SH2D1B: variants seen among roughly 807,000 people sequenced by gnomAD.
SH2D1B encodes the protein SH2 domain containing 1B, also known as SH2 domain-containing protein 1B.
Under a neutral mutation model 16.3 loss-of-function variants are expected in SH2D1B, and 11 were observed. That is an observed-to-expected ratio of 0.67 (90% CI 0.42 to 1.11). SH2D1B has a LOEUF of 1.11. Ranked by LOEUF, SH2D1B falls within the 50% of genes most tolerant of loss-of-function variation. SH2D1B has a pLI of 0.00. For missense variants in SH2D1B, 123 were observed against 153.1 expected (o/e 0.80, Z 1.04); for synonymous variants, 55 against 56.1 (o/e 0.98, Z 0.09).
intron 1 of SH2D1B, among the ~76,000 whole-genome samples, chr1:162,408,372 A>G (rs888459133): frequency 6.7e-6 from 1 of 148,742 alleles, no homozygotes. Context: ...TTGCCTCTCC[A>G]CTTGGTTTAT....
chr1:162,404,890 G>C (rs1648616590), intron 1 of SH2D1B, among the ~76,000 whole-genome samples: 1 of 152,210 alleles, frequency 6.6e-6, no homozygotes, highest in Non-Finnish European at 1.5e-5. Flanking sequence ...CAGTTTGGCA[G>C]TTTCTTAAAA....
chr1:162,410,481 TTC>T (rs1226816999), intron 1 of SH2D1B, among the ~76,000 whole-genome samples: 4 of 152,128 alleles, frequency 2.6e-5, no homozygotes, highest in Non-Finnish European at 5.9e-5. Context: ...GGATTTTAAT[TTC>T]TGTTACAGGT....
At chr1:162,406,454 C>A (rs1326969259) in intron 1 of SH2D1B, among the ~76,000 whole-genome samples, 5 of 152,110 alleles carry the variant, frequency 3.3e-5, no homozygotes, top group Admixed American at 3.3e-4. Context: ...TGCAAGCCAT[C>A]ATGTATAATG....
intron 2 of SH2D1B, among the ~76,000 whole-genome samples, chr1:162,401,653 G>A (rs918342112): frequency 6.6e-6 from 1 of 152,038 alleles, no homozygotes; most frequent in African/African-American, 2.4e-5. Flanking sequence ...CCTGGATACA[G>A]TACTATTTGT....
intron 1 of SH2D1B, 108 bp from the exon 2 acceptor site, chr1:162,402,910 ACT>A (rs1491358564): frequency 7.7e-6 from 7 of 904,848 alleles, no homozygotes; most frequent in African/African-American, 3.4e-5. Context: ...TCCTAAAAAA[ACT>A]CTTTTTTTTT....
rs1002390978 is a variant in SH2D1B, at chr1:162,395,706, A to G, written c.*1574T>C. 1.4e-4 allele frequency: 21 copies of G among 152,236 alleles called. No individual in the cohort carries two copies. Among genetic ancestry groups the G allele is most frequent in the Admixed American group, 1.3e-4 (2 of 15,286 alleles). 9.4% of individuals were successfully genotyped at this position (152,236 alleles called of 1,614,324 possible). A position where few individuals can be genotyped will look rare whatever the true frequency, so the allele number is the denominator to read the frequency against. ...AGAGGGTTAACATTTCACCAACACC[A>G]TATCCTATTAGAAATGTAATAAAAC... On this transcript the variant is annotated 3_prime_UTR_variant, in exon 4 of 4. Transcript: ENST00000367929.
rs1416610855 is a variant in SH2D1B at position 162,397,246 on chromosome 1, T to C, written c.*34A>G. The stretch of plus-strand genomic sequence containing the variant: ...GGTCATCAGTGAGAACTGTTACTCA[T>C]CTCTTCAACTTGCTTTGTCCGGCAG... On this transcript the variant is annotated 3_prime_UTR_variant, in exon 4 of 4. Coordinates refer to ENST00000367929, the MANE Select transcript of SH2D1B (RefSeq NM_053282.5). The C allele has an allele frequency of 1.2e-6, 2 of 1,612,926 alleles. No homozygotes were observed. The highest frequency in any genetic ancestry group is 1.7e-6 in the Non-Finnish European group (2 of 1,179,104).
Position 162,397,236 on chromosome 1 carries a change from C to G in SH2D1B, c.*44G>C. ...TGCAGAAGTGGGTCATCAGTGAGAA[C>G]TGTTACTCATCTCTTCAACTTGCTT... On this transcript the variant is annotated 3_prime_UTR_variant, in exon 4 of 4. Transcript: ENST00000367929. 1.2e-6 allele frequency: 2 copies of G among 1,610,770 alleles called. No homozygotes were observed. The highest frequency in any genetic ancestry group is 1.7e-6 in the Non-Finnish European group (2 of 1,177,198).
In SH2D1B at chr1:162,403,500, AAAAAAAAAAAAATATATATAT is replaced by A. The variant is rs1268806263; in HGVS notation, c.135-719_135-699del. 3.2e-3 allele frequency among the ~76,000 whole-genome samples: 111 copies of A among 35,146 alleles called. 2 individuals carry two copies. The highest frequency in any genetic ancestry group is 5.4e-3 in the Non-Finnish European group (82 of 15,312). The allele number at this position is 35,146 out of a possible 152,430, so 23.1% of individuals were successfully genotyped here. On this transcript the variant is annotated intron_variant, in intron 1 of 3. Coordinates refer to ENST00000367929, the MANE Select transcript of SH2D1B (RefSeq NM_053282.5). ...CGAGACTCTGTCTGAAAAAAAAAAA[AAAAAAAAAAAAATATATATAT>A]ATATATATATATATATATATATGTA...
At chr1:162,402,012 G>A (rs938681440) in intron 2 of SH2D1B, among the ~76,000 whole-genome samples, 1 of 152,194 alleles carries the variant, frequency 6.6e-6, no homozygotes, top group Non-Finnish European at 1.5e-5. Flanking sequence ...AAGACTTTCA[G>A]CTATCTGATG....
rs201869193 is a variant in SH2D1B, at chr1:162,402,718, T to C, written c.198+21A>G. 8.0e-5 allele frequency: 128 copies of C among 1,602,116 alleles called. 1 individual carries two copies. In the African/African-American group the frequency reaches 1.3e-3, roughly 17 times the overall value. ...CCCCCAACTTTTGTGTTGTTGTTGT[T>C]GTCGTCCTTTTTGTTCTTACCTGTA... On this transcript the variant is annotated intron_variant, in intron 2 of 3. Coordinates refer to ENST00000367929, the MANE Select transcript of SH2D1B (RefSeq NM_053282.5).
chr1:162,402,892 A>C, intron 1 of SH2D1B, 90 bp from the exon 2 acceptor site: 1 of 1,034,012 alleles, frequency 9.7e-7, no homozygotes. Context: ...ACCTTTGTTA[A>C]TCTACAATCC....
chr1:162,403,579 C>A, intron 1 of SH2D1B, among the ~76,000 whole-genome samples: 1 of 128,628 alleles, frequency 7.8e-6, no homozygotes, highest in African/African-American at 3.1e-5. Context: ...GTGTATATAT[C>A]CAATGGAAAT....
chr1:162,398,734 T>C (rs775859619), intron 3 of SH2D1B, among the ~76,000 whole-genome samples, 189 bp downstream of exon 3: 1 of 152,186 alleles, frequency 6.6e-6, no homozygotes, highest in Admixed American at 6.5e-5. Flanking sequence ...CGCAGCAAGC[T>C]CTCTGTCTTG....
chr1:162,397,642 T>A (rs1190731314), intron 3 of SH2D1B, among the ~76,000 whole-genome samples: 1 of 152,216 alleles, frequency 6.6e-6, no homozygotes, highest in Non-Finnish European at 1.5e-5. Flanking sequence ...TGGGGAATAT[T>A]TCCTCTTCAG....
chr1:162,409,253 C>T (rs1418980927), intron 1 of SH2D1B, among the ~76,000 whole-genome samples: 3 of 152,128 alleles, frequency 2.0e-5, no homozygotes, highest in Non-Finnish European at 2.9e-5. Flanking sequence ...CACCGTCTCC[C>T]GTCCAGAGAC....
In SH2D1B at chr1:162,397,153, T is replaced by C. The variant is rs1000645036; in HGVS notation, c.*127A>G. The C allele has an allele frequency of 5.0e-6, 5 of 999,960 alleles. No homozygotes were observed. The highest frequency in any genetic ancestry group is 2.1e-4 in the Middle Eastern group (1 of 4,792). 61.9% of individuals were successfully genotyped at this position (999,960 alleles called of 1,614,324 possible). A position where few individuals can be genotyped will look rare whatever the true frequency, so the allele number is the denominator to read the frequency against. ...GTGCTGGTGGGCAGAACATCTTCAG[T>C]TACACAACCAGGAGAGTCTGAATTG... On this transcript the variant is annotated 3_prime_UTR_variant, in exon 4 of 4. Transcript: ENST00000367929.
intron 2 of SH2D1B, 106 bp downstream of exon 2, chr1:162,402,632 CT>C: frequency 1.1e-6 from 1 of 928,716 alleles, no homozygotes; most frequent in Non-Finnish European, 1.7e-6. Context: ...TTGTGCTTTC[CT>C]TTTTAGAATG....
intron 1 of SH2D1B, 60 bp from the exon 2 acceptor site, chr1:162,402,862 C>T (rs1443391227): frequency 2.2e-6 from 3 of 1,340,730 alleles, no homozygotes; most frequent in Non-Finnish European, 3.2e-6. Context: ...TAACATCTAT[C>T]GTTATGTTTC....
Sources: gnomAD v4.1 joint callset for allele counts (sites outside exome capture counted in the v4.1 genomes callset) on GRCh38, gnomAD v4.1.1 for gene constraint, MANE v1.5 for transcripts, NCBI Gene and HGNC (gene_info 2026-07-23, HGNC 2026-07-21) for gene names.